Variants in CCDC7 observed in about 807,000 individuals in gnomAD.
CCDC7 encodes coiled-coil domain containing 7.
In CCDC7, 183 loss-of-function variants were observed where a neutral mutation model predicts 196.9. The observed-to-expected ratio is 0.93, with a 90% CI of 0.82 to 1.05. The LOEUF (loss-of-function observed/expected upper bound fraction) is 1.05. Ranked by LOEUF, CCDC7 falls within the 50% of genes least tolerant of loss-of-function variation. CCDC7 has a pLI of 0.00. For synonymous variants in CCDC7, 525 were observed against 484.6 expected, an observed-to-expected ratio of 1.08 and a Z score of -1.10; for missense variants, 1,540 against 1,482.2, an observed-to-expected ratio of 1.04 and a Z score of -0.64.
At chr10:32,732,748 C>G (rs1441210130) in intron 28 of CCDC7, among the ~76,000 whole-genome samples, 2 of 152,074 alleles carry the variant, frequency 1.3e-5, no homozygotes, top group Non-Finnish European at 2.9e-5. Flanking sequence ...ACCACCTTCC[C>G]CCACCTACAT....
chr10:32,839,743 T>C (rs570806178), intron 33 of CCDC7, among the ~76,000 whole-genome samples: 1 of 152,020 alleles, frequency 6.6e-6, no homozygotes, highest in African/African-American at 2.4e-5. Flanking sequence ...AGATAGACCA[T>C]ATGACAGGCC....
At chr10:32,668,343 T>C (rs1591367318) in intron 21 of CCDC7, among the ~76,000 whole-genome samples, 1 of 152,270 alleles carries the variant, frequency 6.6e-6, no homozygotes, top group Middle Eastern at 3.4e-3. Flanking sequence ...CCTCTTTTCC[T>C]AATTGAATAC....
intron 21 of CCDC7, among the ~76,000 whole-genome samples, chr10:32,669,975 C>T (rs1233688046): frequency 2.0e-5 from 3 of 152,090 alleles, no homozygotes; most frequent in African/African-American, 4.8e-5. Flanking sequence ...AGCATGGAGT[C>T]AATCCAGGGA....
chr10:32,469,114 G>T (rs921057758), intron 5 of CCDC7, among the ~76,000 whole-genome samples: 1 of 152,082 alleles, frequency 6.6e-6, no homozygotes, highest in Admixed American at 6.5e-5. Context: ...TTTTTTCCCA[G>T]AAAGGACTTC....
rs934862267 is a variant in CCDC7 at position 32,845,239 on chromosome 10, A to G, written c.3353-4A>G. On this transcript the variant is annotated splice_region_variant and splice_polypyrimidine_tract_variant and intron_variant, in intron 33 of 41. Coordinates refer to ENST00000639629, the Ensembl canonical transcript of CCDC7. ...ATATATTGATATCTGTTTTATTTAT[A>G]TAGAGACTGATAAGGAACACTTAGC... 2.6e-6 allele frequency: 4 copies of G among 1,524,408 alleles called. No individual in the cohort carries two copies. Among genetic ancestry groups the G allele is most frequent in the African/African-American group, 1.4e-5 (1 of 72,554 alleles). 94.4% of individuals were successfully genotyped at this position (1,524,408 alleles called of 1,614,324 possible). A position where few individuals can be genotyped will look rare whatever the true frequency, so the allele number is the denominator to read the frequency against.
intron 18 of CCDC7, among the ~76,000 whole-genome samples, chr10:32,620,397 T>G (rs1468060769): frequency 6.6e-6 from 1 of 152,182 alleles, no homozygotes; most frequent in Non-Finnish European, 1.5e-5. Flanking sequence ...TGCCAGACAG[T>G]TTTGAAAATA....
At chr10:32,656,104 A>T (rs1376590416) in intron 20 of CCDC7, among the ~76,000 whole-genome samples, 1 of 152,182 alleles carries the variant, frequency 6.6e-6, no homozygotes, top group Non-Finnish European at 1.5e-5. Flanking sequence ...TAAAAAAATC[A>T]TTGCTAAGAC....
At chr10:32,828,473 GGAAGAGGAAGAGGAA>G (rs1565633784) in intron 32 of CCDC7, among the ~76,000 whole-genome samples, 2 of 45,338 alleles carry the variant, frequency 4.4e-5, no homozygotes, top group Admixed American at 2.5e-4. Context: ...AAGAGGAAGA[GGAAGAGGAAGAGGAA>G]GAAGAAGAAG....
At chr10:32,877,727 C>G (rs1188640897), downstream of CCDC7, among the ~76,000 whole-genome samples, 1 of 152,088 alleles carries the variant, frequency 6.6e-6, no homozygotes, top group Non-Finnish European at 1.5e-5. Context: ...TGAGGTAATG[C>G]ATTTTCTAAA....
rs1266917419 is a variant in CCDC7, at chr10:32,664,050, G to C, written c.2015-4G>C. ...TAGTGCACTAAATTTATTAATTTGT[G>C]TAGCTCATAATGATGTACCAGAAGA... On this transcript the variant is annotated splice_region_variant and splice_polypyrimidine_tract_variant and intron_variant, in intron 20 of 41. Coordinates refer to ENST00000639629, the Ensembl canonical transcript of CCDC7. 2 of 395,562 alleles carry C rather than the reference G, an allele frequency of 5.1e-6. No individual in the cohort carries two copies. Among genetic ancestry groups the C allele is most frequent in the Non-Finnish European group, 8.9e-6 (2 of 223,868 alleles). The allele number at this position is 395,562 out of a possible 1,614,324, so 24.5% of individuals were successfully genotyped here.
At chr10:32,797,791 G>A (rs2083922442) in intron 29 of CCDC7, among the ~76,000 whole-genome samples, 1 of 152,158 alleles carries the variant, frequency 6.6e-6, no homozygotes, top group Non-Finnish European at 1.5e-5. Context: ...CCTGGCTATG[G>A]GGGAACGAGT....
chr10:32,827,192 G>C (rs1054688814), intron 32 of CCDC7, among the ~76,000 whole-genome samples: 3 of 152,180 alleles, frequency 2.0e-5, no homozygotes, highest in Admixed American at 2.0e-4. Flanking sequence ...GGCCATGGTG[G>C]CAGGGATGGA....
At chr10:32,824,993 C>A (rs917985823) in intron 32 of CCDC7, among the ~76,000 whole-genome samples, 2 of 152,214 alleles carry the variant, frequency 1.3e-5, no homozygotes, top group Non-Finnish European at 2.9e-5. Context: ...CCCATTCCCT[C>A]TCATATCGTT....
chr10:32,669,880 A>G (rs1406397473), intron 21 of CCDC7, among the ~76,000 whole-genome samples: 1 of 152,140 alleles, frequency 6.6e-6, no homozygotes, highest in Non-Finnish European at 1.5e-5. Flanking sequence ...GGACAGTAGA[A>G]TGTTTGTATT....
chr10:32,842,350 C>T (rs562443633), intron 33 of CCDC7, among the ~76,000 whole-genome samples: 1 of 152,126 alleles, frequency 6.6e-6, no homozygotes, highest in African/African-American at 2.4e-5. Flanking sequence ...AAATGCTCAA[C>T]ATCACTCATT....
chr10:32,620,621 GAC>G (rs2063309720), intron 18 of CCDC7, among the ~76,000 whole-genome samples: 1 of 152,078 alleles, frequency 6.6e-6, no homozygotes, highest in South Asian at 2.1e-4. Flanking sequence ...AGTATGGAGA[GAC>G]ACTGCTAGAC....
intron 1 of CCDC7, among the ~76,000 whole-genome samples, chr10:32,452,709 T>A (rs1438955137): frequency 6.6e-6 from 1 of 152,052 alleles, no homozygotes; most frequent in African/African-American, 2.4e-5. Flanking sequence ...CCACCCGCCT[T>A]GGCCTCCCAA....
chr10:32,536,519 T>A (rs2050525367), intron 11 of CCDC7, among the ~76,000 whole-genome samples: 3 of 152,182 alleles, frequency 2.0e-5, no homozygotes, highest in Admixed American at 2.0e-4. Context: ...TTCGGTTAAC[T>A]TTTATTTTAG....
At chr10:32,863,582 C>G (rs191163706) in intron 41 of CCDC7, among the ~76,000 whole-genome samples, 133 of 151,976 alleles carry the variant, frequency 8.8e-4, no homozygotes, top group African/African-American at 3.2e-3. Flanking sequence ...TGAACTCCCA[C>G]CACACCAGGC....
Sources: allele counts gnomAD v4.1 joint callset (sites outside exome capture counted in the v4.1 genomes callset), GRCh38; gene constraint gnomAD v4.1.1; transcripts MANE v1.5; gene names NCBI Gene and HGNC (gene_info 2026-07-23, HGNC 2026-07-21).